PCDHGA7: variants seen among roughly 807,000 people sequenced by gnomAD.
PCDHGA7 encodes the protein protocadherin gamma subfamily A, 7, also known as protocadherin gamma-A7.
In PCDHGA7, 44 loss-of-function variants were observed where a neutral mutation model predicts 58.3. The ratio of observed to expected loss-of-function variants is 0.75; its 90% confidence interval spans 0.59 to 0.97. The LOEUF is 0.97. PCDHGA7 is among the 50% of genes least tolerant of loss of function. The pLI, the probability that PCDHGA7 is intolerant of heterozygous loss-of-function variation, is 0.00. For synonymous variants in PCDHGA7, 516 were observed against 504.2 expected (o/e 1.02, Z -0.31); for missense variants, 1,266 against 1,188.7 (o/e 1.06, Z -0.96).
Position 141,421,312 on chromosome 5 carries a change from G to A in PCDHGA7, c.2424+35989G>A, listed in dbSNP as rs375071225. ...CCTGGGGACGCTGCGGGGGTTCCGGGCCAGGCAGATCCGATATTCGGTGCC... is the reference window on the plus strand; with the variant it reads ...CCTGGGGACGCTGCGGGGGTTCCGGACCAGGCAGATCCGATATTCGGTGCC... On this transcript the variant is annotated intron_variant, in intron 1 of 3. Coordinates refer to ENST00000518325, the MANE Select transcript of PCDHGA7 (RefSeq NM_018920.4). The A allele has an allele frequency of 1.9e-5, 31 of 1,613,630 alleles. No homozygotes were observed. The highest frequency in any genetic ancestry group is 1.4e-5 in the Non-Finnish European group (17 of 1,179,886).
Position 141,383,201 on chromosome 5 carries a change from G to A in PCDHGA7, c.302G>A (p.Arg101Gln), listed in dbSNP as rs368180461. ...GAAGAGATCTGCGCTCAGAGTGCGCGGTGTCTGGTAAACTTTAACATCCTG... is the reference window on the plus strand; with the variant it reads ...GAAGAGATCTGCGCTCAGAGTGCGCAGTGTCTGGTAAACTTTAACATCCTG... ...DREEICAQSA[R>Q]CLVNFNILME... The change falls in exon 1 of 4, where the codon CGG becomes CAG. Residue 101 changes from arginine to glutamine, a missense_variant. Arg to Gln is a conservative substitution (Grantham distance 43, BLOSUM62 1). Coordinates refer to ENST00000518325, the MANE Select transcript of PCDHGA7 (RefSeq NM_018920.4). 4.3e-6 allele frequency: 7 copies of A among 1,613,882 alleles called. No individual in the cohort carries two copies. In the African/African-American group the frequency reaches 9.3e-5, roughly 22 times the overall value.
intron 1 of PCDHGA7, chr5:141,441,337 T>A (rs980210130): frequency 6.6e-6 from 1 of 152,112 alleles, no homozygotes; most frequent in African/African-American, 2.4e-5. Flanking sequence ...CTCCAATAAT[T>A]AACTACATGC....
intron 1 of PCDHGA7, chr5:141,421,835 G>A (rs755889809): frequency 5.6e-6 from 9 of 1,613,746 alleles, no homozygotes; most frequent in Non-Finnish European, 6.8e-6. Context: ...AGCCTGGACC[G>A]AGAGAAAGAG....
chr5:141,450,831 T>TATTA (rs761717068), intron 1 of PCDHGA7, among the ~76,000 whole-genome samples: 2 of 144,580 alleles, frequency 1.4e-5, no homozygotes, highest in South Asian at 2.2e-4. Flanking sequence ...TTATTATTAT[T>TATTA]TTTTTTTTTT....
chr5:141,473,892 G>C (rs1247711441), intron 1 of PCDHGA7, among the ~76,000 whole-genome samples: 1 of 152,138 alleles, frequency 6.6e-6, no homozygotes, highest in African/African-American at 2.4e-5. Context: ...GGGTTCTGTT[G>C]GTTCATGAAG....
chr5:141,433,262 T>A, intron 1 of PCDHGA7: 1 of 1,339,436 alleles, frequency 7.5e-7, no homozygotes, highest in Non-Finnish European at 1.0e-6. Flanking sequence ...GGTACGATCA[T>A]AGCTCACTGC....
At chr5:141,422,345 A>G in intron 1 of PCDHGA7, 1 of 1,551,648 alleles carries the variant, frequency 6.4e-7, no homozygotes, top group South Asian at 1.3e-5. Context: ...CTAAATGTGC[A>G]AGATCAAGAT....
chr5:141,494,142 A>AAGACAACT (rs2099752181), intron 1 of PCDHGA7, among the ~76,000 whole-genome samples: 5 of 152,090 alleles, frequency 3.3e-5, no homozygotes, highest in Admixed American at 6.5e-5. Context: ...TTAGTCACAG[A>AAGACAACT]CCATTGTCTG....
chr5:141,460,467 AG>A (rs1303418429), intron 1 of PCDHGA7, among the ~76,000 whole-genome samples: 1 of 152,114 alleles, frequency 6.6e-6, no homozygotes, highest in African/African-American at 2.4e-5. Flanking sequence ...TTTTTTCCAA[AG>A]GAATATCCAA....
At position 141,491,101 on chromosome 5, in the gene PCDHGA7, G is replaced by A. The variant is rs1270788252; in HGVS notation, c.2425-3706G>A. Reference sequence around the variant, plus strand: ...GTCCACAGCCCCAGGACTGTTCCTCGTGTCTACACACACTGGTGAGGTGCG... The same window carrying A: ...GTCCACAGCCCCAGGACTGTTCCTCATGTCTACACACACTGGTGAGGTGCG... On this transcript the variant is annotated intron_variant, in intron 1 of 3. Transcript: ENST00000518325. This position sits in a 1 kb window ranked among gnomAD's most constrained non-coding sequence, Gnocchi z 6.9. The A allele has an allele frequency of 8.1e-6, 13 of 1,614,102 alleles. No individual in the cohort carries two copies. In the East Asian group the frequency reaches 1.6e-4, roughly 19 times the overall value.
chr5:141,395,542 T>TTGTTTGTTTGTG (rs1267535064), intron 1 of PCDHGA7: 1 of 168,708 alleles, frequency 5.9e-6, no homozygotes, highest in African/African-American at 5.7e-5. Flanking sequence ...TTGCTATTGT[T>TTGTTTGTTTGTG]TGTGTGTGTG....
chr5:141,409,945 T>C (rs777813706), intron 1 of PCDHGA7: 11 of 1,613,312 alleles, frequency 6.8e-6, no homozygotes, highest in Non-Finnish European at 9.3e-6. Flanking sequence ...TACCTCGCTC[T>C]GCAGAGCCCG....
Position 141,431,709 on chromosome 5 carries a change from T to G in PCDHGA7, c.2424+46386T>G, listed in dbSNP as rs1561854893. ...CACGAGGAGTCAGGATTCTACCAGA[T>G]GGAAGTGCAAGCAATGGATAATGCA... On this transcript the variant is annotated intron_variant, in intron 1 of 3. Coordinates refer to ENST00000518325, the MANE Select transcript of PCDHGA7 (RefSeq NM_018920.4). The surrounding 1 kb of genome is among the most constrained non-coding windows in gnomAD (Gnocchi z 4.8). The G allele has an allele frequency of 6.2e-7, 1 of 1,614,168 alleles. No individual in the cohort carries two copies. Among genetic ancestry groups the G allele is most frequent in the Middle Eastern group, 1.6e-4 (1 of 6,062 alleles).
chr5:141,393,108 A>G (rs1318511234), intron 1 of PCDHGA7: 6 of 1,613,438 alleles, frequency 3.7e-6, no homozygotes, highest in Non-Finnish European at 5.1e-6. Context: ...CTGCGCTCAG[A>G]GCCCGCGGTG....
chr5:141,472,065 G>C lies in PCDHGA7; in HGVS notation c.2425-22742G>C, dbSNP rs115025688. Among the ~76,000 whole-genome samples the C allele has an allele frequency of 1.7e-3, 265 of 152,218 alleles. 1 individual carries two copies. Among genetic ancestry groups the C allele is most frequent in the Middle Eastern group, 3.4e-3 (1 of 294 alleles). On this transcript the variant is annotated intron_variant, in intron 1 of 3. Coordinates refer to ENST00000518325, the MANE Select transcript of PCDHGA7 (RefSeq NM_018920.4). ...GATTTTAAAAATGATTGACATGTCT[G>C]TGGTTATATCAATGAGTACTATTAT...
intron 1 of PCDHGA7, among the ~76,000 whole-genome samples, chr5:141,472,267 C>T (rs547832378): frequency 6.6e-5 from 10 of 152,216 alleles, no homozygotes; most frequent in African/African-American, 2.4e-4. Context: ...TATAGCCGGG[C>T]ACAGTGGCTC....
Position 141,511,350 on chromosome 5 carries a change from C to G in PCDHGA7, c.*177C>G, listed in dbSNP as rs1303365585. 4.3e-6 allele frequency: 6 copies of G among 1,397,194 alleles called. No homozygotes were observed. Among genetic ancestry groups the G allele is most frequent in the East Asian group, 2.5e-5 (1 of 39,862 alleles). The allele number at this position is 1,397,194 out of a possible 1,614,324, so 86.5% of individuals were successfully genotyped here. On this transcript the variant is annotated 3_prime_UTR_variant, in exon 4 of 4. Transcript: ENST00000518325. ...CCCAGTCAGCACCTACCCCTTCCCC[C>G]CCAGGGGGTTGAATATGCAAAAGCA...
rs2099727742 is a variant in PCDHGA7 at position 141,491,740 on chromosome 5, G to C, written c.2425-3067G>C. On this transcript the variant is annotated intron_variant, in intron 1 of 3. Coordinates refer to ENST00000518325, the MANE Select transcript of PCDHGA7 (RefSeq NM_018920.4). The surrounding 1 kb of genome is among the most constrained non-coding windows in gnomAD (Gnocchi z 6.9). Reference sequence around the variant, plus strand: ...GCCGCCCCGGGCGACCCCTGGGGGCGGCACTGGAGAAGCCGCCCGTCCTCA... The same window carrying C: ...GCCGCCCCGGGCGACCCCTGGGGGCCGCACTGGAGAAGCCGCCCGTCCTCA... The C allele has an allele frequency of 6.3e-7, 1 of 1,597,622 alleles. No homozygotes were observed. The highest frequency in any genetic ancestry group is 8.5e-7 in the Non-Finnish European group (1 of 1,173,228).
At chr5:141,418,349 A>G in intron 1 of PCDHGA7, 1 of 1,614,016 alleles carries the variant, frequency 6.2e-7, no homozygotes, top group South Asian at 1.1e-5. Context: ...TGATATTAGT[A>G]TGAATTCGCT....
Sources: allele counts gnomAD v4.1 joint callset (sites outside exome capture counted in the v4.1 genomes callset), GRCh38; gene constraint gnomAD v4.1.1; non-coding constraint Gnocchi (gnomAD v3.1); transcripts MANE v1.5; gene names NCBI Gene and HGNC (gene_info 2026-07-23, HGNC 2026-07-21).